The following SCAPER variants were observed in gnomAD, a reference collection of about 807,000 sequenced individuals.
The protein encoded by SCAPER is S phase cyclin A-associated protein in the endoplasmic reticulum.
In SCAPER, 98 loss-of-function variants were observed where a neutral mutation model predicts 182.2. The observed-to-expected ratio is 0.54, with a 90% CI of 0.46 to 0.64. SCAPER has a LOEUF of 0.64. Ranked by LOEUF, SCAPER falls within the 30% of genes least tolerant of loss-of-function variation. The pLI, the probability that SCAPER is intolerant of heterozygous loss-of-function variation, is 0.00. For synonymous variants in SCAPER, 605 were observed against 564.6 expected (o/e 1.07, Z -1.01); for missense variants, 1,432 against 1,690.0 (o/e 0.85, Z 2.68).
intron 8 of SCAPER, among the ~76,000 whole-genome samples, chr15:76,792,355 T>C (rs1280294617): frequency 6.6e-6 from 1 of 152,100 alleles, no homozygotes; most frequent in East Asian, 1.9e-4. Flanking sequence ...AGTGAGTCAC[T>C]GGCAGTCTTG....
intron 23 of SCAPER, among the ~76,000 whole-genome samples, chr15:76,563,275 G>A (rs1402935424): frequency 6.6e-6 from 1 of 152,022 alleles, no homozygotes; most frequent in African/African-American, 2.4e-5. Flanking sequence ...TATTACATAA[G>A]GCAAGAGGTT....
chr15:76,882,599 G>A (rs1385296353), intron 2 of SCAPER, among the ~76,000 whole-genome samples: 1 of 152,210 alleles, frequency 6.6e-6, no homozygotes, highest in Non-Finnish European at 1.5e-5. Flanking sequence ...CCTTAGAACT[G>A]AGGAAGAGTA....
chr15:76,532,312 T>G (rs1017044959), intron 23 of SCAPER, among the ~76,000 whole-genome samples: 22 of 151,378 alleles, frequency 1.5e-4, no homozygotes, highest in African/African-American at 4.1e-4. Flanking sequence ...CCTTTAACAT[T>G]ACCCCTCCCC....
intron 21 of SCAPER, among the ~76,000 whole-genome samples, chr15:76,631,351 T>C (rs1289738525): frequency 1.3e-5 from 2 of 152,358 alleles, no homozygotes; most frequent in East Asian, 3.9e-4. Flanking sequence ...ACTGGCTATT[T>C]TGCAGACTTC....
chr15:76,500,314 C>T (rs1176662971), intron 24 of SCAPER, among the ~76,000 whole-genome samples: 1 of 152,214 alleles, frequency 6.6e-6, no homozygotes, highest in Admixed American at 6.5e-5. Flanking sequence ...GTTAGTTCCC[C>T]AGCAGAACAA....
chr15:76,382,044 C>T (rs1344622214), intron 27 of SCAPER, among the ~76,000 whole-genome samples: 3 of 152,184 alleles, frequency 2.0e-5, no homozygotes, highest in African/African-American at 4.8e-5. Context: ...TTAGGGAAAG[C>T]ATGAGGCCTC....
At chr15:76,795,776 T>C (rs1221264435) in intron 7 of SCAPER, among the ~76,000 whole-genome samples, 2 of 152,118 alleles carry the variant, frequency 1.3e-5, no homozygotes, top group Admixed American at 1.3e-4. Context: ...ATAATACAAA[T>C]ATTGGCCAGG....
At chr15:76,363,771 C>A (rs1181352642) in intron 29 of SCAPER, among the ~76,000 whole-genome samples, 1 of 152,174 alleles carries the variant, frequency 6.6e-6, no homozygotes, top group African/African-American at 2.4e-5. Context: ...ATTTTTCTAG[C>A]AGAGCAGAAA....
At chr15:76,715,296 G>A (rs112014904) in intron 17 of SCAPER, among the ~76,000 whole-genome samples, 5,039 of 149,944 alleles carry the variant, frequency 0.034, 121 homozygotes, top group Middle Eastern at 0.058. Flanking sequence ...CCCCCACCCC[G>A]GCCCAGGGAT....
In SCAPER at chr15:76,511,843, A is replaced by ATGTGTGTGTGTGTG. The variant is rs1555461783; in HGVS notation, c.2839-6883_2839-6870dup. Among the ~76,000 whole-genome samples, 754 of 123,236 alleles carry ATGTGTGTGTGTGTG rather than the reference A, an allele frequency of 6.1e-3. 13 individuals carry two copies. The highest frequency in any genetic ancestry group is 0.022 in the African/African-American group (661 of 29,770). 80.8% of individuals were successfully genotyped at this position (123,236 alleles called of 152,430 possible). ...AGATACACTTATTATATATATATAT[A>ATGTGTGTGTGTGTG]TGTGTGTGTGTGTGTGTGTGTGTGT... On this transcript the variant is annotated intron_variant, in intron 23 of 31. Coordinates refer to ENST00000563290, the MANE Select transcript of SCAPER (RefSeq NM_020843.4).
intron 4 of SCAPER, among the ~76,000 whole-genome samples, chr15:76,846,783 G>A (rs1418347258): frequency 2.0e-5 from 3 of 152,058 alleles, no homozygotes; most frequent in African/African-American, 7.2e-5. Context: ...CCAATATGGA[G>A]AACAGTTTAG....
At chr15:76,836,128 A>G (rs996692984) in intron 5 of SCAPER, among the ~76,000 whole-genome samples, 1 of 152,256 alleles carries the variant, frequency 6.6e-6, no homozygotes, top group African/African-American at 2.4e-5. Flanking sequence ...TACAGATTCA[A>G]TGCCAAACTA....
At chr15:76,363,157 T>C (rs1480042146) in intron 29 of SCAPER, among the ~76,000 whole-genome samples, 1 of 152,236 alleles carries the variant, frequency 6.6e-6, no homozygotes, top group African/African-American at 2.4e-5. Flanking sequence ...GTCTCAAGGC[T>C]GTCTGCTCTG....
chr15:76,544,774 A>G (rs181580009), intron 23 of SCAPER, among the ~76,000 whole-genome samples: 59 of 152,282 alleles, frequency 3.9e-4, no homozygotes, highest in South Asian at 1.5e-3. Context: ...ACTATACCAA[A>G]AAACAAAAAT....
At chr15:76,648,321 GA>G (rs1454189010) in intron 21 of SCAPER, among the ~76,000 whole-genome samples, 2 of 151,178 alleles carry the variant, frequency 1.3e-5, no homozygotes, top group African/African-American at 4.9e-5. Flanking sequence ...AGACACAGTA[GA>G]AAAAAAAGAT....
intron 24 of SCAPER, among the ~76,000 whole-genome samples, chr15:76,477,990 A>G (rs948413187): frequency 2.0e-5 from 3 of 151,546 alleles, no homozygotes; most frequent in Non-Finnish European, 4.4e-5. Flanking sequence ...TTTATTTGAT[A>G]CAATCTGCCA....
At chr15:76,798,020 G>A (rs758455789) in intron 7 of SCAPER, among the ~76,000 whole-genome samples, 85 of 151,836 alleles carry the variant, frequency 5.6e-4, no homozygotes, top group Non-Finnish European at 1.1e-3. Context: ...CCGGACATTG[G>A]GCTTACTAGA....
chr15:76,835,933 CAA>C (rs35242954), intron 5 of SCAPER, among the ~76,000 whole-genome samples: 109 of 94,280 alleles, frequency 1.2e-3, no homozygotes, highest in African/African-American at 3.1e-3. Context: ...ACATTAGCCA[CAA>C]AAAAAAAAAA....
At chr15:76,394,610 A>G (rs1317526215) in intron 27 of SCAPER, among the ~76,000 whole-genome samples, 1 of 152,138 alleles carries the variant, frequency 6.6e-6, no homozygotes, top group Non-Finnish European at 1.5e-5. Flanking sequence ...CTTCTAATAC[A>G]TTCTTCACAC....
Sources: gnomAD v4.1 joint callset for allele counts (sites outside exome capture counted in the v4.1 genomes callset) on GRCh38, gnomAD v4.1.1 for gene constraint, MANE v1.5 for transcripts, NCBI Gene and HGNC (gene_info 2026-07-23, HGNC 2026-07-21) for gene names.